Variants in CSMD1 observed in about 807,000 individuals in gnomAD.
The protein encoded by CSMD1 is CUB and Sushi multiple domains 1.
A neutral mutation model predicts 417.5 loss-of-function variants in CSMD1; 213 were observed. That is an observed-to-expected ratio of 0.51 (90% CI 0.46 to 0.57). The LOEUF (loss-of-function observed/expected upper bound fraction) is 0.57. Ranked by LOEUF, CSMD1 falls within the 20% of genes least tolerant of loss-of-function variation. The pLI, the probability that CSMD1 is intolerant of heterozygous loss-of-function variation, is 0.00. For missense variants in CSMD1, 6,923 were observed against 4,529.7 expected (o/e 1.53, Z -15.17); for synonymous variants, 2,862 against 1,736.8 (o/e 1.65, Z -16.11).
intron 5 of CSMD1, among the ~76,000 whole-genome samples, chr8:3,947,914 T>G (rs1811343795): frequency 6.6e-6 from 1 of 152,114 alleles, no homozygotes; most frequent in African/African-American, 2.4e-5. Context: ...TGTTAAAATC[T>G]CCAATGGTAG....
At chr8:3,863,028 T>C (rs1804825863) in intron 5 of CSMD1, among the ~76,000 whole-genome samples, 1 of 152,188 alleles carries the variant, frequency 6.6e-6, no homozygotes, top group African/African-American at 2.4e-5. Flanking sequence ...TTGCTTTGTC[T>C]CTGCCTCAAA....
At chr8:4,048,680 G>A (rs539795671) in intron 3 of CSMD1, among the ~76,000 whole-genome samples, 1 of 152,130 alleles carries the variant, frequency 6.6e-6, no homozygotes, top group Non-Finnish European at 1.5e-5. Context: ...AGTGTGATTG[G>A]ATCAATGTGC....
At chr8:3,933,072 AAAAAC>A (rs1259154449) in intron 5 of CSMD1, among the ~76,000 whole-genome samples, 1 of 149,980 alleles carries the variant, frequency 6.7e-6, no homozygotes. Context: ...CTCATTAAAA[AAAAAC>A]AAAAGAAACA....
chr8:3,926,084 C>CACACACACACACACACACACACACCAT (rs1809669348), intron 5 of CSMD1, among the ~76,000 whole-genome samples: 2 of 9,674 alleles, frequency 2.1e-4, no homozygotes, highest in Non-Finnish European at 3.7e-4. Flanking sequence ...AAACACCATA[C>CACACACACACACACACACACACACCAT]ACACACACAC....
chr8:3,563,513 G>A (rs527713446), intron 10 of CSMD1, among the ~76,000 whole-genome samples: 4 of 146,744 alleles, frequency 2.7e-5, no homozygotes, highest in Non-Finnish European at 6.0e-5. Context: ...AAGAAAATAG[G>A]TATTTACACC....
chr8:3,029,254 G>T, intron 51 of CSMD1, 65 bp downstream of exon 51: 2 of 1,374,504 alleles, frequency 1.5e-6, no homozygotes, highest in East Asian at 2.3e-5. Context: ...GCTCACCACT[G>T]ACATAAGCCA....
At chr8:4,274,773 A>AT (rs1431580743) in intron 3 of CSMD1, among the ~76,000 whole-genome samples, 18 of 152,136 alleles carry the variant, frequency 1.2e-4, no homozygotes, top group Admixed American at 1.1e-3. Flanking sequence ...GATTATTAGA[A>AT]TTTTTTATCA....
intron 21 of CSMD1, among the ~76,000 whole-genome samples, chr8:3,351,058 C>T (rs1585038919): frequency 6.6e-6 from 1 of 152,170 alleles, no homozygotes; most frequent in South Asian, 2.1e-4. Flanking sequence ...ACTTTATATT[C>T]ACAGCTTGAA....
rs956162258 is a variant in CSMD1, at chr8:4,905,546, A to G, written c.85+88786T>C. 3.2e-4 allele frequency among the ~76,000 whole-genome samples: 48 copies of G among 152,164 alleles called. 1 individual carries two copies. Among genetic ancestry groups the G allele is most frequent in the Admixed American group, 2.4e-3 (37 of 15,266 alleles). On this transcript the variant is annotated intron_variant, in intron 1 of 69. Coordinates refer to ENST00000635120, the MANE Select transcript of CSMD1 (RefSeq NM_033225.6). ...CTAAAGAAAAAGAAATCGGTCAGAC[A>G]CAGTGGCTCACATCTGTAATCCCAG...
intron 1 of CSMD1, among the ~76,000 whole-genome samples, chr8:4,751,631 G>C (rs764961714): frequency 6.6e-6 from 1 of 152,134 alleles, no homozygotes; most frequent in African/African-American, 2.4e-5. Context: ...CCTCAAGGGT[G>C]AAAAATGCCA....
chr8:4,197,630 G>T (rs1799415466), intron 3 of CSMD1, among the ~76,000 whole-genome samples: 1 of 152,174 alleles, frequency 6.6e-6, no homozygotes, highest in South Asian at 2.1e-4. Flanking sequence ...TGAAATCCCA[G>T]CATTTTGGGA....
Position 3,780,102 on chromosome 8 carries a change from T to C in CSMD1, c.819-26060A>G, listed in dbSNP as rs140760704. 1.4e-3 allele frequency among the ~76,000 whole-genome samples: 209 copies of C among 152,354 alleles called. 1 individual carries two copies. Among genetic ancestry groups the C allele is most frequent in the African/African-American group, 3.8e-3 (156 of 41,576 alleles). ...ATCCTTTTACTGTACCAGTCGGTGT[T>C]GCATTAGAAGGCTTGCGCTGATATA... On this transcript the variant is annotated intron_variant, in intron 5 of 69. Coordinates refer to ENST00000635120, the MANE Select transcript of CSMD1 (RefSeq NM_033225.6).
In CSMD1 at chr8:4,368,743, T is replaced by C. The variant is rs79709955; in HGVS notation, c.415+51210A>G. ...ATCTAGTCTCCTAGGTTTTCTAGTT[T>C]GTGTATACAGAGGTGCTCATAATAC... On this transcript the variant is annotated intron_variant, in intron 3 of 69. Coordinates refer to ENST00000635120, the MANE Select transcript of CSMD1 (RefSeq NM_033225.6). Among the ~76,000 whole-genome samples, 498 of 152,270 alleles carry C rather than the reference T, an allele frequency of 3.3e-3. 25 individuals are homozygous for C. In the East Asian group the frequency reaches 0.083, roughly 25 times the overall value.
intron 1 of CSMD1, among the ~76,000 whole-genome samples, chr8:4,911,890 C>G (rs1461123953): frequency 1.3e-5 from 2 of 151,928 alleles, no homozygotes; most frequent in African/African-American, 2.4e-5. Context: ...AGAAGCTCAT[C>G]AGAAAAATTA....
At chr8:3,319,910 A>T (rs1404814592) in intron 23 of CSMD1, among the ~76,000 whole-genome samples, 1 of 152,156 alleles carries the variant, frequency 6.6e-6, no homozygotes, top group Admixed American at 6.5e-5. Flanking sequence ...CATTAAAAAA[A>T]CTTTTATTTT....
At chr8:3,670,355 C>A (rs1585048050) in intron 7 of CSMD1, among the ~76,000 whole-genome samples, 1 of 151,908 alleles carries the variant, frequency 6.6e-6, no homozygotes, top group African/African-American at 2.4e-5. Context: ...GGGACTCGGG[C>A]TGGCTCTCCT....
At chr8:4,173,909 A>G (rs1017936024) in intron 3 of CSMD1, among the ~76,000 whole-genome samples, 1 of 152,120 alleles carries the variant, frequency 6.6e-6, no homozygotes, top group Non-Finnish European at 1.5e-5. Flanking sequence ...CTCAGTACAC[A>G]TGGCTCAGGG....
At chr8:3,809,832 G>A (rs1249840774) in intron 5 of CSMD1, among the ~76,000 whole-genome samples, 1 of 152,146 alleles carries the variant, frequency 6.6e-6, no homozygotes, top group East Asian at 1.9e-4. Flanking sequence ...GAAAACGCAA[G>A]AATGCAGACC....
chr8:4,924,660 T>G (rs2117160117), intron 1 of CSMD1, among the ~76,000 whole-genome samples: 1 of 127,900 alleles, frequency 7.8e-6, no homozygotes, highest in Admixed American at 1.1e-4. Context: ...AGGTGGAGGT[T>G]GCAGTGAGCC....
Sources: allele counts gnomAD v4.1 joint callset (sites outside exome capture counted in the v4.1 genomes callset), GRCh38; gene constraint gnomAD v4.1.1; transcripts MANE v1.5; gene names NCBI Gene and HGNC (gene_info 2026-07-23, HGNC 2026-07-21).